UTP20: variants seen among roughly 807,000 people sequenced by gnomAD.
The protein encoded by UTP20 is UTP20 small subunit processome component, also known as small subunit processome component 20 homolog.
Under a neutral mutation model 329.5 loss-of-function variants are expected in UTP20, and 164 were observed. That is an observed-to-expected ratio of 0.50 (90% CI 0.44 to 0.57). The LOEUF (loss-of-function observed/expected upper bound fraction) is 0.57, where lower values mean the gene tolerates loss of function less well. UTP20 is among the 20% of genes least tolerant of loss of function. The pLI is 0.00. For synonymous variants in UTP20, 1,151 were observed against 1,159.3 expected, an observed-to-expected ratio of 0.99 and a Z score of 0.14; for missense variants, 3,055 against 3,284.2, an observed-to-expected ratio of 0.93 and a Z score of 1.71.
At chr12:101,303,369 G>A (rs896669309) in intron 15 of UTP20, among the ~76,000 whole-genome samples, 2 of 152,192 alleles carry the variant, frequency 1.3e-5, no homozygotes, top group African/African-American at 2.4e-5. Context: ...ACAAAGCAGG[G>A]TCAGGAGATA....
intron 43 of UTP20, 41 bp from the exon 44 acceptor site, chr12:101,361,921 C>T (rs778073471): frequency 6.8e-7 from 1 of 1,462,948 alleles, no homozygotes; most frequent in African/African-American, 1.4e-5. Context: ...CCTAGTGTGA[C>T]ATTGTTAATA....
chr12:101,290,321 CAG>C (rs1872097774), intron 7 of UTP20, 47 bp downstream of exon 7: 1 of 1,534,418 alleles, frequency 6.5e-7, no homozygotes, highest in South Asian at 1.3e-5. Flanking sequence ...ATGGATGAAA[CAG>C]AAAGTAGAAA....
intron 40 of UTP20, among the ~76,000 whole-genome samples, chr12:101,354,203 G>A (rs1305663599): frequency 3.4e-5 from 5 of 148,090 alleles, no homozygotes; most frequent in Admixed American, 1.4e-4. Context: ...CAGATGTTGC[G>A]GTAAGCTGAG....
chr12:101,297,365 A>G (rs1288496114), intron 12 of UTP20, among the ~76,000 whole-genome samples: 2 of 152,028 alleles, frequency 1.3e-5, no homozygotes, highest in African/African-American at 4.8e-5. Context: ...ATAGGCACGC[A>G]CCACCATGCC....
At chr12:101,381,707 T>C (rs1400407782) in intron 58 of UTP20, among the ~76,000 whole-genome samples, 1 of 152,098 alleles carries the variant, frequency 6.6e-6, no homozygotes, top group Non-Finnish European at 1.5e-5. Flanking sequence ...TTGGGATTAC[T>C]CTTTGCTCCA....
intron 44 of UTP20, 79 bp from the exon 45 acceptor site, chr12:101,363,497 G>A (rs562605489): frequency 3.1e-6 from 4 of 1,309,304 alleles, no homozygotes; most frequent in Admixed American, 2.4e-5. Flanking sequence ...GACATACCAG[G>A]GCCTTTTTTC....
chr12:101,281,524 T>C (rs1813095718), intron 2 of UTP20, among the ~76,000 whole-genome samples: 1 of 152,182 alleles, frequency 6.6e-6, no homozygotes, highest in Non-Finnish European at 1.5e-5. Flanking sequence ...TCCCTTTCCC[T>C]TATGCATTCC....
rs749088756 is a variant in UTP20, at chr12:101,369,710, G to GT, written c.6385-4dup. The GT allele has an allele frequency of 1.3e-4, 196 of 1,462,726 alleles. 1 individual carries two copies. The highest frequency in any genetic ancestry group is 5.6e-5 in the African/African-American group (4 of 71,462). 90.6% of individuals were successfully genotyped at this position (1,462,726 alleles called of 1,614,324 possible). A position where few individuals can be genotyped will look rare whatever the true frequency, so the allele number is the denominator to read the frequency against. ...TCACAAGTTGGTGGTGTTTTGTTTTGTTTTTTTCAGGTGATCACAGGTGCT... is the reference window on the plus strand; with the variant it reads ...TCACAAGTTGGTGGTGTTTTGTTTTGTTTTTTTTCAGGTGATCACAGGTGCT... On this transcript the variant is annotated splice_polypyrimidine_tract_variant and intron_variant, in intron 48 of 61. Coordinates refer to ENST00000261637, the MANE Select transcript of UTP20 (RefSeq NM_014503.3).
rs1468193712 is a variant in UTP20 at position 101,356,978 on chromosome 12, G to T, written c.5587G>T (p.Asp1863Tyr). Residue 1863 changes from aspartate (D) to tyrosine (Y), a missense_variant, in exon 43 of 62, where the codon GAC (aspartate) becomes TAC (tyrosine). Around this residue, in one of 3 missense-constraint regions of UTP20, gnomAD observed 2,445 missense variants for 2,575.5 expected, o/e 0.95. Coordinates refer to ENST00000261637, the MANE Select transcript of UTP20 (RefSeq NM_014503.3). ...LLKNRAQEIR[D>Y]IARSTLAKII... ...CAAGAACAGAGCCCAAGAAATCAGA[G>T]ACATTGCACGCAGCACTCTTGCGAA... The T allele has an allele frequency of 6.2e-7, 1 of 1,613,958 alleles. No individual in the cohort carries two copies. The highest frequency in any genetic ancestry group is 8.5e-7 in the Non-Finnish European group (1 of 1,179,998).
In UTP20 at chr12:101,355,020, C is replaced by T; in HGVS notation, c.5296C>T (p.Pro1766Ser). ...TATCACAAAGCCTGTCTCTTTCCTT[C>T]CTCAAAACAAGGAAGAAATAGAGAG... Reference protein sequence around the residue: ...ECITKPVSFLPQNKEEIERTI... With the variant: ...ECITKPVSFLSQNKEEIERTI... Residue 1766 changes from proline to serine, a missense_variant, in exon 41 of 62, where the codon CCT becomes TCT. Around this residue, in one of 3 missense-constraint regions of UTP20, gnomAD observed 2,445 missense variants for 2,575.5 expected, o/e 0.95. Coordinates refer to ENST00000261637, the MANE Select transcript of UTP20 (RefSeq NM_014503.3). 6.2e-7 allele frequency: 1 copy of T among 1,614,134 alleles called. No individual in the cohort carries two copies. The highest frequency in any genetic ancestry group is 1.1e-5 in the South Asian group (1 of 91,074).
intron 8 of UTP20, 135 bp from the exon 9 acceptor site, chr12:101,291,607 T>A: frequency 1.3e-6 from 1 of 761,104 alleles, no homozygotes; most frequent in Non-Finnish European, 1.9e-6. Flanking sequence ...TTATCGTTAG[T>A]GAGTCCTGGT....
intron 43 of UTP20, among the ~76,000 whole-genome samples, chr12:101,359,465 C>CTGTGTGTGTG (rs368060911): frequency 1.2e-4 from 18 of 148,152 alleles, no homozygotes; most frequent in East Asian, 6.0e-4. Context: ...GTTCCTGAGG[C>CTGTGTGTGTG]TGTGTGTGTG....
chr12:101,348,179 T>A (rs1754299308), intron 38 of UTP20, among the ~76,000 whole-genome samples: 1 of 152,182 alleles, frequency 6.6e-6, no homozygotes, highest in African/African-American at 2.4e-5. Flanking sequence ...GACTTTACAT[T>A]TAAGGTTGGT....
intron 40 of UTP20, among the ~76,000 whole-genome samples, chr12:101,353,846 G>A (rs1020365122): frequency 8.5e-5 from 13 of 152,156 alleles, no homozygotes; most frequent in East Asian, 7.7e-4. Flanking sequence ...AGGTATCTTC[G>A]TATTTATAAA....
intron 5 of UTP20, 138 bp downstream of exon 5, chr12:101,286,647 C>T: frequency 1.5e-6 from 1 of 649,028 alleles, no homozygotes; most frequent in South Asian, 4.8e-5. Context: ...CCAAAGTGGT[C>T]CACAATCTAG....
At chr12:101,349,371 A>G (rs7297904) in intron 38 of UTP20, among the ~76,000 whole-genome samples, 31,068 of 148,974 alleles carry the variant, frequency 0.21, 7,014 homozygotes, top group East Asian at 0.55. Context: ...TTGAATATGT[A>G]GATATGTAGT....
rs1869662744 is a variant in UTP20, at chr12:101,354,828, A to G, written c.5108-4A>G. 1.2e-6 allele frequency: 2 copies of G among 1,611,464 alleles called. No individual in the cohort carries two copies. The highest frequency in any genetic ancestry group is 2.7e-5 in the African/African-American group (2 of 74,798). On this transcript the variant is annotated splice_polypyrimidine_tract_variant and splice_region_variant and intron_variant, in intron 40 of 61. Transcript: ENST00000261637. ...AGGTGACTTTTGTTGTTTATTAAAC[A>G]TAGACGCAATTGAAGCAATTGAGTT...
chr12:101,383,357 T>C, intron 59 of UTP20, 44 bp downstream of exon 59: 1 of 1,570,098 alleles, frequency 6.4e-7, no homozygotes, highest in Non-Finnish European at 8.7e-7. Flanking sequence ...CATTTCTCTT[T>C]AAAAAGTATT....
At chr12:101,336,105 A>G (rs894132255) in intron 29 of UTP20, among the ~76,000 whole-genome samples, 7 of 152,172 alleles carry the variant, frequency 4.6e-5, no homozygotes, top group African/African-American at 9.7e-5. Context: ...AATAGAAGCC[A>G]TATAGCAATG....
Sources: allele counts gnomAD v4.1 joint callset (sites outside exome capture counted in the v4.1 genomes callset), GRCh38; gene constraint gnomAD v4.1.1; regional missense constraint gnomAD v4.1.1; transcripts MANE v1.5; gene names NCBI Gene and HGNC (gene_info 2026-07-23, HGNC 2026-07-21).